FGGY: variants seen among roughly 807,000 people sequenced by gnomAD.
The protein encoded by FGGY is FGGY carbohydrate kinase domain-containing protein.
Under a neutral mutation model 71.3 loss-of-function variants are expected in FGGY, and 72 were observed. The observed-to-expected ratio is 1.01, with a 90% CI of 0.84 to 1.23. FGGY has a LOEUF of 1.23. Among genes scored for constraint, FGGY ranks in the 50% most tolerant of loss-of-function variants. The probability of loss-of-function intolerance (pLI) is 0.00; values close to 1 mark genes in which losing one functional copy is unlikely to be tolerated. For synonymous variants in FGGY, 251 were observed against 250.3 expected, an observed-to-expected ratio of 1.00 and a Z score of -0.02; for missense variants, 668 against 682.3, an observed-to-expected ratio of 0.98 and a Z score of 0.23.
intron 5 of FGGY, among the ~76,000 whole-genome samples, chr1:59,391,871 TCTCTC>T: frequency 6.6e-6 from 1 of 152,316 alleles, no homozygotes; most frequent in Non-Finnish European, 1.5e-5. Flanking sequence ...AAAGTAGAAC[TCTCTC>T]TGAATTTGAT....
At chr1:59,329,108 A>G (rs1215648164) in intron 2 of FGGY, among the ~76,000 whole-genome samples, 1 of 151,988 alleles carries the variant, frequency 6.6e-6, no homozygotes, top group Non-Finnish European at 1.5e-5. Context: ...TAAAAAACAC[A>G]ATCTGCAAGA....
intron 2 of FGGY, among the ~76,000 whole-genome samples, chr1:59,330,557 A>G: frequency 6.7e-6 from 1 of 149,688 alleles, no homozygotes; most frequent in Non-Finnish European, 1.5e-5. Flanking sequence ...CGACAAAGCA[A>G]GACTCCATCT....
intron 14 of FGGY, among the ~76,000 whole-genome samples, chr1:59,704,889 G>A (rs1021003183): frequency 6.6e-6 from 1 of 152,148 alleles, no homozygotes; most frequent in African/African-American, 2.4e-5. Flanking sequence ...GTCCCAATTC[G>A]TATTCCTGCC....
At chr1:59,357,436 T>C (rs2054551463) in intron 4 of FGGY, among the ~76,000 whole-genome samples, 1 of 152,222 alleles carries the variant, frequency 6.6e-6, no homozygotes, top group Non-Finnish European at 1.5e-5. Flanking sequence ...GGATAAATAT[T>C]ACTACTTCTC....
intron 14 of FGGY, among the ~76,000 whole-genome samples, chr1:59,723,048 C>T (rs1336570624): frequency 9.2e-5 from 14 of 152,128 alleles, no homozygotes; most frequent in Admixed American, 8.5e-4. Context: ...CCACCCACCT[C>T]GGCCTCCCAA....
chr1:59,399,872 G>GA, intron 5 of FGGY, among the ~76,000 whole-genome samples: 1 of 152,292 alleles, frequency 6.6e-6, no homozygotes, highest in Non-Finnish European at 1.5e-5. Context: ...GTTCAGTCTA[G>GA]AAGTGTATAG....
At chr1:59,585,373 A>G (rs190837125) in intron 8 of FGGY, among the ~76,000 whole-genome samples, 202 of 152,310 alleles carry the variant, frequency 1.3e-3, no homozygotes, top group African/African-American at 4.6e-3. Context: ...CCACACATCT[A>G]CAACCATCTG....
intron 11 of FGGY, among the ~76,000 whole-genome samples, chr1:59,640,968 A>G (rs1472111779): frequency 6.6e-6 from 1 of 150,860 alleles, no homozygotes; most frequent in African/African-American, 2.5e-5. Context: ...TAAACAGGGA[A>G]TGGAAAGATA....
chr1:59,583,228 A>G (rs779251333), intron 8 of FGGY, among the ~76,000 whole-genome samples: 2 of 143,522 alleles, frequency 1.4e-5, no homozygotes, highest in Non-Finnish European at 3.0e-5. Flanking sequence ...CAAAGCTTCA[A>G]TGAATGAAGT....
Position 59,599,414 on chromosome 1 carries a change from G to A in FGGY, c.904-8389G>A, listed in dbSNP as rs116196097. Among the ~76,000 whole-genome samples the A allele has an allele frequency of 2.9e-3, 447 of 152,118 alleles. 1 individual carries two copies. Among genetic ancestry groups the A allele is most frequent in the African/African-American group, 0.01 (425 of 41,532 alleles). On this transcript the variant is annotated intron_variant, in intron 8 of 15. Transcript: ENST00000303721. ...TTAAAAGAATATGAATAAGTAAGTG[G>A]CTGGGTGCAGTGGCTCATGCCTGTA... is the stretch of plus-strand genomic sequence containing the variant.
intron 5 of FGGY, among the ~76,000 whole-genome samples, chr1:59,411,470 A>G (rs1036803202): frequency 9.2e-5 from 14 of 152,302 alleles, no homozygotes; most frequent in African/African-American, 3.4e-4. Flanking sequence ...TTGTAGGGAG[A>G]TACTTTGAGA....
chr1:59,707,249 G>C (rs901554615), intron 14 of FGGY, among the ~76,000 whole-genome samples: 3 of 152,208 alleles, frequency 2.0e-5, no homozygotes, highest in Non-Finnish European at 4.4e-5. Flanking sequence ...GCGAGCTGGA[G>C]AGGTTAAGTG....
chr1:59,508,671 G>C (rs755066498), intron 6 of FGGY, among the ~76,000 whole-genome samples: 13 of 152,086 alleles, frequency 8.5e-5, no homozygotes, highest in Non-Finnish European at 1.8e-4. Context: ...GTTTCATTTT[G>C]GTCTCTAAAT....
intron 10 of FGGY, among the ~76,000 whole-genome samples, chr1:59,627,147 A>G (rs573775043): frequency 6.6e-6 from 1 of 152,206 alleles, no homozygotes; most frequent in Admixed American, 6.5e-5. Flanking sequence ...CTGTATTACA[A>G]AGGGGGTTGG....
intron 1 of FGGY, among the ~76,000 whole-genome samples, chr1:59,298,181 G>C (rs1466004597): frequency 6.6e-6 from 1 of 152,118 alleles, no homozygotes; most frequent in African/African-American, 2.4e-5. Flanking sequence ...TTGCTTGCTG[G>C]ATTTTCCAGC....
chr1:59,697,039 C>T (rs545023728), intron 14 of FGGY, among the ~76,000 whole-genome samples: 169 of 151,608 alleles, frequency 1.1e-3, no homozygotes, highest in Non-Finnish European at 1.9e-3. Context: ...AGAAAAGTGG[C>T]GAGGAAATAC....
intron 14 of FGGY, among the ~76,000 whole-genome samples, chr1:59,679,707 A>G (rs1408463808): frequency 6.6e-6 from 1 of 152,154 alleles, no homozygotes. Context: ...TTAAATTACA[A>G]AATGTATTAT....
At chr1:59,667,719 T>C (rs970538665) in intron 13 of FGGY, among the ~76,000 whole-genome samples, 1 of 152,166 alleles carries the variant, frequency 6.6e-6, no homozygotes, top group Non-Finnish European at 1.5e-5. Context: ...CCACACATTG[T>C]GGAGAATATT....
At chr1:59,680,991 A>G (rs1227794580) in intron 14 of FGGY, 1 of 152,198 alleles carries the variant, frequency 6.6e-6, no homozygotes, top group African/African-American at 2.4e-5. Context: ...CAGAAATAAA[A>G]ATAAGCAGGG....
Sources: allele counts gnomAD v4.1 joint callset (sites outside exome capture counted in the v4.1 genomes callset), GRCh38; gene constraint gnomAD v4.1.1; transcripts MANE v1.5; gene names NCBI Gene and HGNC (gene_info 2026-07-23, HGNC 2026-07-21).